The following SMIM10L3 variants were observed in gnomAD, a reference collection of about 807,000 sequenced individuals.
The protein encoded by SMIM10L3 is salivary gland specific protein SAGSIN1.
chr7:6,334,724 C>T, the SMIM10L3 span, among the ~76,000 whole-genome samples: 1 of 152,070 alleles, frequency 6.6e-6, no homozygotes, highest in South Asian at 2.1e-4. Flanking sequence ...CCTTGGCCTC[C>T]CAAAGTGCTA....
chr7:6,344,617 C>T, the SMIM10L3 span, among the ~76,000 whole-genome samples: 1 of 152,098 alleles, frequency 6.6e-6, no homozygotes, highest in African/African-American at 2.4e-5. Context: ...CGGAGTTTCG[C>T]CCTGTTGCCC....
chr7:6,341,548 G>A, the SMIM10L3 span, among the ~76,000 whole-genome samples: 3 of 151,074 alleles, frequency 2.0e-5, no homozygotes, highest in African/African-American at 7.3e-5. Flanking sequence ...AAATTAGCCA[G>A]GTGTAGTGGT....
At chr7:6,348,393 G>C in the SMIM10L3 span, among the ~76,000 whole-genome samples, 2,949 of 152,286 alleles carry the variant, frequency 0.019, 45 homozygotes, top group East Asian at 0.053. Context: ...TGCCGCGTTT[G>C]CAGAACGGGG....
At chr7:6,331,345 C>T in the SMIM10L3 span, 3 of 635,616 alleles carry the variant, frequency 4.7e-6, no homozygotes, top group Non-Finnish European at 8.2e-6. Flanking sequence ...ATGACAGTCT[C>T]CAGTACAGGG....
chr7:6,335,432 T>C, the SMIM10L3 span, among the ~76,000 whole-genome samples: 2 of 151,818 alleles, frequency 1.3e-5, no homozygotes, highest in East Asian at 3.9e-4. Context: ...TTTCGCTATG[T>C]TGCCAGGCTG....
the SMIM10L3 span, among the ~76,000 whole-genome samples, chr7:6,340,460 C>G: frequency 6.6e-6 from 1 of 152,128 alleles, no homozygotes; most frequent in Non-Finnish European, 1.5e-5. Context: ...AGAGGCCGTG[C>G]CATACCTGGA....
chr7:6,333,648 A>G, the SMIM10L3 span, among the ~76,000 whole-genome samples: 2 of 148,492 alleles, frequency 1.3e-5, no homozygotes, highest in South Asian at 4.3e-4. Flanking sequence ...ACAGGCAGGC[A>G]CCACCACACC....
At chr7:6,333,101 G>A in the SMIM10L3 span, among the ~76,000 whole-genome samples, 1 of 150,158 alleles carries the variant, frequency 6.7e-6, no homozygotes, top group African/African-American at 2.5e-5. Context: ...AGGTTGCAGT[G>A]AGCCGAGATC....
At chr7:6,342,248 T>G in the SMIM10L3 span, among the ~76,000 whole-genome samples, 1 of 151,708 alleles carries the variant, frequency 6.6e-6, no homozygotes, top group African/African-American at 2.4e-5. Flanking sequence ...TTCTGTCTTA[T>G]AGAAACAGTG....
At chr7:6,333,160 A>G in the SMIM10L3 span, among the ~76,000 whole-genome samples, 693 of 110,562 alleles carry the variant, frequency 6.3e-3, 8 homozygotes, top group Admixed American at 0.012. Context: ...CATCCCAAAT[A>G]AAAAAATCAA....
At chr7:6,342,168 G>T in the SMIM10L3 span, among the ~76,000 whole-genome samples, 1 of 152,096 alleles carries the variant, frequency 6.6e-6, no homozygotes, top group Admixed American at 6.6e-5. Context: ...TCTTCTTAAA[G>T]CTTCATTTTC....
chr7:6,334,065 A>G, the SMIM10L3 span, among the ~76,000 whole-genome samples: 1 of 150,582 alleles, frequency 6.6e-6, no homozygotes, highest in South Asian at 2.2e-4. Flanking sequence ...CCAGGATGGA[A>G]TCTATCTCCT....
At chr7:6,345,899 GC>G in the SMIM10L3 span, among the ~76,000 whole-genome samples, 1 of 152,080 alleles carries the variant, frequency 6.6e-6, no homozygotes, top group East Asian at 1.9e-4. Flanking sequence ...CTACCATGTA[GC>G]TGGGATTACA....
the SMIM10L3 span, among the ~76,000 whole-genome samples, chr7:6,342,765 G>A: frequency 1.3e-5 from 2 of 152,090 alleles, no homozygotes; most frequent in Non-Finnish European, 2.9e-5. Context: ...GGCCAGGTAT[G>A]ATGGCTCACA....
chr7:6,330,542 T>G, the SMIM10L3 span: 1 of 1,614,162 alleles, frequency 6.2e-7, no homozygotes, highest in East Asian at 2.2e-5. Flanking sequence ...GTCTCCTCAC[T>G]CAGGAGCACT....
At chr7:6,334,014 T>C in the SMIM10L3 span, among the ~76,000 whole-genome samples, 1 of 151,224 alleles carries the variant, frequency 6.6e-6, no homozygotes, top group Non-Finnish European at 1.5e-5. Context: ...GCCCGGCTAA[T>C]TTTTCGTATT....
the SMIM10L3 span, chr7:6,330,545 G>A: frequency 8.7e-6 from 14 of 1,614,146 alleles, no homozygotes; most frequent in Non-Finnish European, 1.2e-5. Context: ...TCCTCACTCA[G>A]GAGCACTTCG....
At chr7:6,329,421 C>T in the SMIM10L3 span, 1 of 152,514 alleles carries the variant, frequency 6.6e-6, no homozygotes, top group Admixed American at 6.6e-5. Context: ...TAAAATAAGA[C>T]ATATTTATTA....
chr7:6,343,402 AT>A, the SMIM10L3 span, among the ~76,000 whole-genome samples: 1 of 668 alleles, frequency 1.5e-3, no homozygotes, highest in Non-Finnish European at 2.6e-3. Context: ...AATTTCATAT[AT>A]ATATATATAT....
Sources: gnomAD v4.1 joint callset for allele counts (sites outside exome capture counted in the v4.1 genomes callset) on GRCh38, gnomAD v4.1.1 for gene constraint, MANE v1.5 for transcripts, NCBI Gene and HGNC (gene_info 2026-07-23, HGNC 2026-07-21) for gene names.